Variants in DCAF7 observed in about 807,000 individuals in gnomAD.
DCAF7 encodes DDB1 and CUL4 associated factor 7, also known as DDB1- and CUL4-associated factor 7.
Under a neutral mutation model 41.2 loss-of-function variants are expected in DCAF7, and 4 were observed. The observed-to-expected ratio is 0.10, with a 90% CI of 0.05 to 0.22. The LOEUF (loss-of-function observed/expected upper bound fraction) is 0.22, where lower values mean the gene tolerates loss of function less well. Ranked by LOEUF, DCAF7 falls within the 10% of genes least tolerant of loss-of-function variation. DCAF7 has a pLI of 1.00. For missense variants in DCAF7, 131 were observed against 443.2 expected (o/e 0.30, Z 6.32); for synonymous variants, 143 against 164.2 (o/e 0.87, Z 0.99).
intron 6 of DCAF7, among the ~76,000 whole-genome samples, 158 bp downstream of exon 6, chr17:63,585,486 G>A (rs2147778209): frequency 6.6e-6 from 1 of 152,292 alleles, no homozygotes; most frequent in East Asian, 1.9e-4. Flanking sequence ...AATTCAATCA[G>A]TACAAATTTT....
chr17:63,552,888 T>A (rs1405426616), intron 1 of DCAF7, among the ~76,000 whole-genome samples: 1 of 152,240 alleles, frequency 6.6e-6, no homozygotes, highest in East Asian at 1.9e-4. Flanking sequence ...TGCAAACTAA[T>A]AACCCCACTA....
In DCAF7 at chr17:63,593,359, G is replaced by A. The variant is rs911884785; in HGVS notation, c.*4187G>A. ...AGTGTCACTGCTGCTAATGGTCAAA[G>A]TCAAATGTGTGGCCACATGGGATGG... is the stretch of plus-strand genomic sequence containing the variant. On this transcript the variant is annotated 3_prime_UTR_variant, in exon 7 of 7. Transcript: ENST00000614556. 6.5e-6 allele frequency: 1 copy of A among 152,690 alleles called. No homozygotes were observed. The highest frequency in any genetic ancestry group is 2.4e-5 in the African/African-American group (1 of 41,448). The allele number at this position is 152,690 out of a possible 1,614,324, so 9.5% of individuals were successfully genotyped here.
intron 1 of DCAF7, chr17:63,552,526 A>G (rs761072699): frequency 1.3e-5 from 2 of 152,234 alleles, no homozygotes; most frequent in African/African-American, 4.8e-5. Flanking sequence ...AGAACTGGAA[A>G]TGGGATTCAC....
At chr17:63,569,455 A>C (rs1328984873) in intron 1 of DCAF7, among the ~76,000 whole-genome samples, 1 of 151,866 alleles carries the variant, frequency 6.6e-6, no homozygotes, top group Non-Finnish European at 1.5e-5. Flanking sequence ...CCAAGCAGGC[A>C]TAGTTTTTAA....
At chr17:63,555,038 T>A (rs2033296446) in intron 1 of DCAF7, among the ~76,000 whole-genome samples, 16 of 152,232 alleles carry the variant, frequency 1.1e-4, no homozygotes, top group African/African-American at 7.2e-5. Context: ...TTTCTCTTGT[T>A]CTACCTGGCT....
chr17:63,582,458 C>T (rs1427308803), intron 4 of DCAF7, among the ~76,000 whole-genome samples: 1 of 151,704 alleles, frequency 6.6e-6, no homozygotes, highest in African/African-American at 2.4e-5. Flanking sequence ...CTCTCTTCGT[C>T]CCTCTTCGTC....
chr17:63,585,341 G>A lies in DCAF7; in HGVS notation c.856+13G>A, dbSNP rs767269687. On this transcript the variant is annotated intron_variant, in intron 6 of 6. Transcript: ENST00000614556. ...ATCTGCACTGCAGGTAATCATGGTGGGGAGAAAGAAATCTGGGAAGGATGG... is the reference window on the plus strand; with the variant it reads ...ATCTGCACTGCAGGTAATCATGGTGAGGAGAAAGAAATCTGGGAAGGATGG... 1.2e-6 allele frequency: 2 copies of A among 1,606,178 alleles called. No homozygotes were observed. Among genetic ancestry groups the A allele is most frequent in the Non-Finnish European group, 1.7e-6 (2 of 1,172,988 alleles).
chr17:63,571,749 C>G (rs1186360531), intron 1 of DCAF7, among the ~76,000 whole-genome samples: 1 of 151,998 alleles, frequency 6.6e-6, no homozygotes, highest in African/African-American at 2.4e-5. Flanking sequence ...CCTGACTTCT[C>G]TCTTAGGTTA....
intron 1 of DCAF7, among the ~76,000 whole-genome samples, chr17:63,566,973 T>G (rs1029063833): frequency 2.6e-5 from 4 of 152,192 alleles, no homozygotes; most frequent in Admixed American, 6.6e-5. Context: ...TTTCTTTCTT[T>G]CTTTCTTTTT....
At chr17:63,570,120 T>C (rs1380427683) in intron 1 of DCAF7, among the ~76,000 whole-genome samples, 1 of 152,154 alleles carries the variant, frequency 6.6e-6, no homozygotes, top group African/African-American at 2.4e-5. Context: ...GGGTGATTCA[T>C]TACAGGGATG....
rs1005052423 is a variant in DCAF7, at chr17:63,585,076, G to A, written c.739-135G>A. ...TGTCTTCTTTTCCCTCAATCCTATG[G>A]AAATCCTGTCTCTAGTTCTTTAAAT... is the stretch of plus-strand genomic sequence containing the variant. On this transcript the variant is annotated intron_variant, in intron 5 of 6. Coordinates refer to ENST00000614556, the MANE Select transcript of DCAF7 (RefSeq NM_005828.5). 8.7e-6 allele frequency: 6 copies of A among 688,442 alleles called. No individual in the cohort carries two copies. In the African/African-American group the frequency reaches 9.0e-5, roughly 10 times the overall value. The allele number at this position is 688,442 out of a possible 1,614,324, so 42.6% of individuals were successfully genotyped here.
intron 1 of DCAF7, among the ~76,000 whole-genome samples, chr17:63,569,867 C>G (rs1478135182): frequency 1.3e-5 from 2 of 152,276 alleles, no homozygotes; most frequent in South Asian, 4.1e-4. Flanking sequence ...TGTGCACCAC[C>G]ACGCTTTGCT....
intron 1 of DCAF7, among the ~76,000 whole-genome samples, chr17:63,571,641 G>A (rs2033508025): frequency 6.6e-6 from 1 of 152,054 alleles, no homozygotes; most frequent in South Asian, 2.1e-4. Context: ...TCTGAAAAAT[G>A]AGGATGGCTT....
intron 1 of DCAF7, among the ~76,000 whole-genome samples, chr17:63,564,136 T>TACACACACACACAC (rs369218596): frequency 0.072 from 10,716 of 147,854 alleles, 439 homozygotes; most frequent in Non-Finnish European, 0.11. Context: ...GTTAACTTTA[T>TACACACACACACAC]ACACACACAC....
intron 2 of DCAF7, 135 bp from the exon 3 acceptor site, chr17:63,579,202 T>A: frequency 1.6e-6 from 1 of 621,496 alleles, no homozygotes. Context: ...GTCCTGGGTT[T>A]ATTACTGTTT....
intron 1 of DCAF7, among the ~76,000 whole-genome samples, chr17:63,561,473 G>A (rs1459265995): frequency 4.0e-5 from 6 of 151,678 alleles, no homozygotes; most frequent in African/African-American, 4.8e-5. Context: ...TAATCCCAGC[G>A]CTTTGGGAGG....
intron 1 of DCAF7, among the ~76,000 whole-genome samples, chr17:63,568,033 T>C (rs374608124): frequency 8.0e-5 from 12 of 149,530 alleles, no homozygotes; most frequent in African/African-American, 2.9e-4. Context: ...ATTGTTTTTG[T>C]TTTTTGAGAT....
intron 1 of DCAF7, among the ~76,000 whole-genome samples, chr17:63,562,634 C>T (rs1458405653): frequency 6.6e-6 from 1 of 150,554 alleles, no homozygotes; most frequent in Admixed American, 6.6e-5. Context: ...GTGCGCTGCA[C>T]CCACTAACTC....
At chr17:63,568,639 G>A (rs17631394) in intron 1 of DCAF7, among the ~76,000 whole-genome samples, 32,977 of 152,012 alleles carry the variant, frequency 0.22, 3,817 homozygotes, top group Middle Eastern at 0.32. Context: ...TTCGTTGCTC[G>A]CAAGAAACAG....
Sources: gnomAD v4.1 joint callset for allele counts (sites outside exome capture counted in the v4.1 genomes callset) on GRCh38, gnomAD v4.1.1 for gene constraint, MANE v1.5 for transcripts, NCBI Gene and HGNC (gene_info 2026-07-23, HGNC 2026-07-21) for gene names.